FAM83G: variants seen among roughly 807,000 people sequenced by gnomAD.
FAM83G encodes protein FAM83G.
FAM83G carries 38 observed loss-of-function variants against 61.5 expected under a neutral mutation model. That is an observed-to-expected ratio of 0.62 (90% CI 0.48 to 0.81). The LOEUF (loss-of-function observed/expected upper bound fraction) is 0.81, where lower values mean the gene tolerates loss of function less well. FAM83G is among the 30% of genes least tolerant of loss of function. The pLI is 0.00. For missense variants in FAM83G, 989 were observed against 1,133.6 expected, an observed-to-expected ratio of 0.87 and a Z score of 1.83; for synonymous variants, 470 against 476.1, an observed-to-expected ratio of 0.99 and a Z score of 0.17.
At position 18,999,257 on chromosome 17, in the gene FAM83G, G is replaced by A. The variant is rs924634243; in HGVS notation, c.522+4263C>T. 3.3e-5 allele frequency among the ~76,000 whole-genome samples: 5 copies of A among 151,798 alleles called. No homozygotes were observed. The East Asian group carries it at 9.6e-4, about 29-fold the overall frequency. ...CGTGCCACTGCACTCCAGCCTGGGC[G>A]ACAGAGCAAGACTTTGTCTCAAGAA... On this transcript the variant is annotated intron_variant, in intron 2 of 5. Transcript: ENST00000388995.
intron 5 of FAM83G, chr17:18,976,219 GTAATA>G (rs1284136814): frequency 6.9e-6 from 1 of 144,510 alleles, no homozygotes; most frequent in Non-Finnish European, 1.5e-5. Flanking sequence ...AAGTAGAATC[GTAATA>G]TCAGTGCTGG....
rs1478845996 is a variant in FAM83G, at chr17:18,996,881, A to C, written c.522+6639T>G. ...TTGAAAGAAATACCTGACCATCAGC[A>C]CTGTCTGGAAGGTTAATGCCTGGGC... On this transcript the variant is annotated intron_variant, in intron 2 of 5. Coordinates refer to ENST00000388995, the MANE Select transcript of FAM83G (RefSeq NM_001039999.3). The surrounding 1 kb of genome is among the most constrained non-coding windows in gnomAD (Gnocchi z 4.4). Among the ~76,000 whole-genome samples, 1 of 152,168 alleles carries C rather than the reference A, an allele frequency of 6.6e-6. No homozygotes were observed. Among genetic ancestry groups the C allele is most frequent in the Non-Finnish European group, 1.5e-5 (1 of 68,036 alleles).
chr17:19,005,487 G>A (rs930233751), upstream of FAM83G, among the ~76,000 whole-genome samples: 1 of 152,140 alleles, frequency 6.6e-6, no homozygotes, highest in Non-Finnish European at 1.5e-5. Context: ...CCAACAAACA[G>A]CCCCCACCCC....
intron 2 of FAM83G, among the ~76,000 whole-genome samples, chr17:18,994,234 T>C (rs763413978): frequency 1.3e-5 from 2 of 152,156 alleles, no homozygotes; most frequent in Admixed American, 1.3e-4. Flanking sequence ...TATGAAGCCA[T>C]GGACAACAGG....
intron 5 of FAM83G, among the ~76,000 whole-genome samples, chr17:18,975,526 C>T (rs997305106): frequency 6.6e-6 from 1 of 151,906 alleles, no homozygotes; most frequent in Non-Finnish European, 1.5e-5. Flanking sequence ...CCCATCTCTA[C>T]TAAAAATACA....
At chr17:18,982,316 T>G (rs1464493743) in intron 3 of FAM83G, among the ~76,000 whole-genome samples, 1 of 152,092 alleles carries the variant, frequency 6.6e-6, no homozygotes, top group African/African-American at 2.4e-5. Flanking sequence ...CATGGCCTGC[T>G]CCCCAGCTTG....
Position 18,977,783 on chromosome 17 carries a change from G to A in FAM83G, c.1883C>T (p.Pro628Leu). The A allele has an allele frequency of 6.2e-7, 1 of 1,602,230 alleles. No homozygotes were observed. The highest frequency in any genetic ancestry group is 8.5e-7 in the Non-Finnish European group (1 of 1,173,800). ...TTGCTCTGAGTGGCGCCTCCGGAGA[G>A]GGACTGAGTGCTCTCTCACCTCGAA... ...EYFEVREHSV[P>L]LRRRHSEQVA... The change falls in exon 5 of 6, where the codon CCT becomes CTT. Residue 628 changes from proline (P) to leucine (L), a missense_variant. By Grantham distance (98) the Pro-to-Leu change is moderately conservative. This residue lies in a region of FAM83G where 574 missense variants were observed against 645.1 expected (regional missense o/e 0.89). Coordinates refer to ENST00000388995, the MANE Select transcript of FAM83G (RefSeq NM_001039999.3).
intron 2 of FAM83G, among the ~76,000 whole-genome samples, chr17:18,988,906 C>G (rs1488887132): frequency 6.6e-6 from 1 of 152,208 alleles, no homozygotes; most frequent in Non-Finnish European, 1.5e-5. Context: ...GTGGTCAGGG[C>G]CTTCCCCCAG....
chr17:18,969,662 G>A lies in FAM83G; in HGVS notation c.*1697C>T. 2.2e-6 allele frequency: 1 copy of A among 462,006 alleles called. No individual in the cohort carries two copies. Among genetic ancestry groups the A allele is most frequent in the Non-Finnish European group, 3.8e-6 (1 of 261,716 alleles). 28.6% of individuals were successfully genotyped at this position (462,006 alleles called of 1,614,324 possible). A position where few individuals can be genotyped will look rare whatever the true frequency, so the allele number is the denominator to read the frequency against. ...CCCCGCTGTTACCAGCTCTGGCCCT[G>A]GCAAGGAGCTGACTCAGGAACTCAG... On this transcript the variant is annotated 3_prime_UTR_variant, in exon 6 of 6. Coordinates refer to ENST00000388995, the MANE Select transcript of FAM83G (RefSeq NM_001039999.3).
At chr17:18,998,224 C>A (rs1292765292) in intron 2 of FAM83G, among the ~76,000 whole-genome samples, 2 of 152,272 alleles carry the variant, frequency 1.3e-5, no homozygotes, top group Non-Finnish European at 2.9e-5. Flanking sequence ...TCCTCCCCAG[C>A]TGCTCTCAAG....
In FAM83G at chr17:18,970,939, A is replaced by C. The variant is rs968795229; in HGVS notation, c.*420T>G. 7.0e-6 allele frequency: 10 copies of C among 1,432,200 alleles called. No homozygotes were observed. The highest frequency in any genetic ancestry group is 9.8e-6 in the Non-Finnish European group (10 of 1,021,800). 88.7% of individuals were successfully genotyped at this position (1,432,200 alleles called of 1,614,324 possible). On this transcript the variant is annotated 3_prime_UTR_variant, in exon 6 of 6. Coordinates refer to ENST00000388995, the MANE Select transcript of FAM83G (RefSeq NM_001039999.3). ...GCATCAGGAAGTTTCTTGTGAGATG[A>C]AGGCAGGGGGGAGCCCAGGGAGTCA...
Position 18,969,569 on chromosome 17 carries a change from T to A in FAM83G, c.*1790A>T. 1 of 677,600 alleles carries A rather than the reference T, an allele frequency of 1.5e-6. No individual in the cohort carries two copies. The highest frequency in any genetic ancestry group is 2.4e-6 in the Non-Finnish European group (1 of 412,756). The allele number at this position is 677,600 out of a possible 1,614,324, so 42.0% of individuals were successfully genotyped here. On this transcript the variant is annotated 3_prime_UTR_variant, in exon 6 of 6. Coordinates refer to ENST00000388995, the MANE Select transcript of FAM83G (RefSeq NM_001039999.3). ...GGGTGGGTTCAGGAGGTTGAGCCAC[T>A]AGGCAGTCAGCCCCCCTGCTGGCCC...
chr17:18,977,785 G>A lies in FAM83G; in HGVS notation c.1881C>T (p.Val627=), dbSNP rs1052398432. The A allele has an allele frequency of 6.9e-6, 11 of 1,602,482 alleles. No individual in the cohort carries two copies. Among genetic ancestry groups the A allele is most frequent in the Admixed American group, 3.4e-5 (2 of 59,224 alleles). ...GCTCTGAGTGGCGCCTCCGGAGAGG[G>A]ACTGAGTGCTCTCTCACCTCGAAGT... ...EEYFEVREHS[V]PLRRRHSEQV... is the part of the protein sequence containing the mutation. The change falls in exon 5 of 6, where the codon GTC becomes GTT. Residue 627 remains valine, a synonymous_variant. Coordinates refer to ENST00000388995, the MANE Select transcript of FAM83G (RefSeq NM_001039999.3).
At chr17:19,001,970 CCCAGCAGGCTCT>C (rs1381995945) in intron 2 of FAM83G, among the ~76,000 whole-genome samples, 1 of 152,164 alleles carries the variant, frequency 6.6e-6, no homozygotes, top group Non-Finnish European at 1.5e-5. Context: ...GTAATGGGAT[CCCAGCAGGCTCT>C]CTGTGGGGAC....
At chr17:19,001,227 T>C (rs1031753196) in intron 2 of FAM83G, among the ~76,000 whole-genome samples, 1 of 152,226 alleles carries the variant, frequency 6.6e-6, no homozygotes, top group Non-Finnish European at 1.5e-5. Flanking sequence ...CCAGGACAGA[T>C]GTGGCAGGGA....
intron 5 of FAM83G, 108 bp downstream of exon 5, chr17:18,977,476 A>G (rs1289483485): frequency 9.0e-7 from 1 of 1,114,718 alleles, no homozygotes; most frequent in Non-Finnish European, 1.3e-6. Flanking sequence ...AAGGGAATTG[A>G]AGTCATCAGA....
chr17:18,979,427 G>A (rs1356521203), intron 4 of FAM83G, 122 bp downstream of exon 4: 13 of 1,256,854 alleles, frequency 1.0e-5, no homozygotes, highest in Admixed American at 4.6e-5. Flanking sequence ...CTCCAGCCCT[G>A]CGCACACCTC....
At position 18,971,165 on chromosome 17, in the gene FAM83G, G is replaced by A. The variant is rs756306098; in HGVS notation, c.*194C>T. 1.4e-5 allele frequency: 23 copies of A among 1,613,940 alleles called. No individual in the cohort carries two copies. The highest frequency in any genetic ancestry group is 1.5e-5 in the Non-Finnish European group (18 of 1,180,046). ...CCACACAGGGGACCTGCCGTGGACC[G>A]GGATGACCTTTGGCCTGACCATCAT... On this transcript the variant is annotated 3_prime_UTR_variant, in exon 6 of 6. Coordinates refer to ENST00000388995, the MANE Select transcript of FAM83G (RefSeq NM_001039999.3). The surrounding 1 kb of genome is among the most constrained non-coding windows in gnomAD (Gnocchi z 5.5).
In FAM83G at chr17:19,000,498, A is replaced by G. The variant is rs991545199; in HGVS notation, c.522+3022T>C. ...AGTTCCATTCTAGTCATTTGGGAACAGGGGGGACTGACAGCAGTCCTGACA... is the reference window on the plus strand; with the variant it reads ...AGTTCCATTCTAGTCATTTGGGAACGGGGGGGACTGACAGCAGTCCTGACA... On this transcript the variant is annotated intron_variant, in intron 2 of 5. Coordinates refer to ENST00000388995, the MANE Select transcript of FAM83G (RefSeq NM_001039999.3). The surrounding 1 kb of genome is among the most constrained non-coding windows in gnomAD (Gnocchi z 5.2). Among the ~76,000 whole-genome samples, 1 of 152,134 alleles carries G rather than the reference A, an allele frequency of 6.6e-6. No homozygotes were observed. Among genetic ancestry groups the G allele is most frequent in the Non-Finnish European group, 1.5e-5 (1 of 68,000 alleles).
Sources: gnomAD v4.1 joint callset for allele counts (sites outside exome capture counted in the v4.1 genomes callset) on GRCh38, gnomAD v4.1.1 for gene constraint, gnomAD v4.1.1 regional missense constraint, Gnocchi (gnomAD v3.1) non-coding constraint, MANE v1.5 for transcripts, NCBI Gene and HGNC (gene_info 2026-07-23, HGNC 2026-07-21) for gene names.